CUX1: variants seen among roughly 807,000 people sequenced by gnomAD.
CUX1 encodes the protein cut like homeobox 1.
A neutral mutation model predicts 158.8 loss-of-function variants in CUX1; 31 were observed. The ratio of observed to expected loss-of-function variants is 0.20; its 90% CI spans 0.15 to 0.26. The LOEUF (loss-of-function observed/expected upper bound fraction) is 0.26. CUX1 is among the 10% of genes least tolerant of loss of function. CUX1 has a pLI of 1.00. For synonymous variants in CUX1, 879 were observed against 862.1 expected (o/e 1.02, Z -0.34); for missense variants, 1,589 against 2,014.6 (o/e 0.79, Z 4.04).
chr7:102,004,870 G>A (rs1054869108), intron 2 of CUX1, among the ~76,000 whole-genome samples: 25 of 152,220 alleles, frequency 1.6e-4, no homozygotes, highest in Non-Finnish European at 3.4e-4. Flanking sequence ...ACATATGTTA[G>A]TCTTGACGGA....
chr7:102,155,381 CAAAAA>C (rs562482446), intron 8 of CUX1, among the ~76,000 whole-genome samples: 1 of 110,144 alleles, frequency 9.1e-6, no homozygotes, highest in Non-Finnish European at 2.0e-5. Context: ...TTGTCTCTAC[CAAAAA>C]AAAAAAAAAA....
intron 20 of CUX1, among the ~76,000 whole-genome samples, chr7:102,216,799 CACACACCCCCACACACACTCTCCCACCA>C (rs782335032): frequency 0.046 from 2,339 of 50,532 alleles, 22 homozygotes; most frequent in South Asian, 0.16. Context: ...CACTCTCCCA[CACACACCCCCACACACACTCTCCCACCA>C]CACACACACA....
chr7:102,017,195 T>TCAGGAGATTGAGG (rs11268765), intron 2 of CUX1, among the ~76,000 whole-genome samples: 63,880 of 150,704 alleles, frequency 0.42, 14,137 homozygotes, highest in Non-Finnish European at 0.46. Flanking sequence ...TCCCAGCTAC[T>TCAGGAGATTGAGG]CAGGAGAATT....
chr7:101,901,142 C>T (rs1237289768), intron 1 of CUX1, among the ~76,000 whole-genome samples: 1 of 152,102 alleles, frequency 6.6e-6, no homozygotes, highest in African/African-American at 2.4e-5. Context: ...AGGATGGAAC[C>T]TGGTCTACCC....
At chr7:101,974,135 A>G (rs1310495498) in intron 2 of CUX1, among the ~76,000 whole-genome samples, 1 of 150,982 alleles carries the variant, frequency 6.6e-6, no homozygotes, top group Non-Finnish European at 1.5e-5. Flanking sequence ...CGGTGGCACA[A>G]TCTCACTGCA....
chr7:101,967,935 C>T (rs1811436650), intron 2 of CUX1, among the ~76,000 whole-genome samples: 1 of 151,984 alleles, frequency 6.6e-6, no homozygotes, highest in Admixed American at 6.6e-5. Context: ...ACAGGGTCTC[C>T]CTGTGTTGCC....
In CUX1 at chr7:102,250,620, T is replaced by C; in HGVS notation, c.*1578T>C. 1.0e-6 allele frequency: 1 copy of C among 985,470 alleles called. No individual in the cohort carries two copies. The highest frequency in any genetic ancestry group is 1.7e-5 in the African/African-American group (1 of 57,360). 61.0% of individuals were successfully genotyped at this position (985,470 alleles called of 1,614,324 possible). On this transcript the variant is annotated 3_prime_UTR_variant, in exon 24 of 24. Transcript: ENST00000292535. ...AACTCACACCAAAACGTGGATGCTC[T>C]TCAACTTCCAAACCTACCATTTGCC...
At chr7:102,273,053 G>A (rs1272908521) in intron 14 of CUX1, among the ~76,000 whole-genome samples, 4 of 152,232 alleles carry the variant, frequency 2.6e-5, no homozygotes, top group African/African-American at 4.8e-5. Flanking sequence ...CCAAACAGCC[G>A]TGGGCAGAGC....
chr7:101,910,328 G>C (rs1240159946), intron 1 of CUX1, among the ~76,000 whole-genome samples: 1 of 152,012 alleles, frequency 6.6e-6, no homozygotes, highest in Admixed American at 6.6e-5. Flanking sequence ...TGTATTTTTT[G>C]TAGAGATGGG....
At chr7:101,965,925 G>GGA (rs1278096089) in intron 2 of CUX1, among the ~76,000 whole-genome samples, 23 of 151,774 alleles carry the variant, frequency 1.5e-4, no homozygotes, top group African/African-American at 5.1e-4. Context: ...GGCAATGTGT[G>GGA]GACCTCATTT....
intron 8 of CUX1, among the ~76,000 whole-genome samples, chr7:102,145,430 G>A (rs76105280): frequency 0.069 from 10,271 of 149,416 alleles, 482 homozygotes; most frequent in African/African-American, 0.13. Context: ...ATGATCTCGC[G>A]ATGGTGTCAG....
intron 8 of CUX1, among the ~76,000 whole-genome samples, chr7:102,116,448 A>G (rs921707303): frequency 6.6e-6 from 1 of 152,000 alleles, no homozygotes; most frequent in African/African-American, 2.4e-5. Context: ...TACTTGCACT[A>G]AGTAGGTTGT....
chr7:101,839,241 C>T (rs999935279), intron 1 of CUX1, among the ~76,000 whole-genome samples: 1 of 152,162 alleles, frequency 6.6e-6, no homozygotes, highest in Admixed American at 6.5e-5. Flanking sequence ...TAGCAGCACC[C>T]TAGCTCACAC....
intron 1 of CUX1, among the ~76,000 whole-genome samples, chr7:101,862,154 A>C (rs781216753): frequency 6.6e-6 from 1 of 151,838 alleles, no homozygotes; most frequent in Non-Finnish European, 1.5e-5. Context: ...GTTTTGATTT[A>C]TTTCCTTTGA....
In CUX1 at chr7:102,178,451, C is replaced by G. The variant is rs1018984031; in HGVS notation, c.829-18C>G. On this transcript the variant is annotated intron_variant, in intron 10 of 23. Transcript: ENST00000292535. ...CTCAAGGCCAGCGCAGTTTTGTCAT[C>G]TCTTTTCTCCTCCCCAGGAGCAGGC... The G allele has an allele frequency of 2.3e-5, 36 of 1,575,810 alleles. No homozygotes were observed. Among genetic ancestry groups the G allele is most frequent in the Non-Finnish European group, 2.8e-5 (32 of 1,154,600 alleles).
At position 102,252,203 on chromosome 7, in the gene CUX1, A is replaced by C; in HGVS notation, c.*3161A>C. 1 of 985,434 alleles carries C rather than the reference A, an allele frequency of 1.0e-6. No individual in the cohort carries two copies. Among genetic ancestry groups the C allele is most frequent in the Non-Finnish European group, 1.2e-6 (1 of 829,930 alleles). The allele number at this position is 985,434 out of a possible 1,614,324, so 61.0% of individuals were successfully genotyped here. Reference sequence around the variant, plus strand: ...GTCTGTAATACTTCTAAGAGCTGCCACTAAAATAATACAGCAATCCGTGGC... The same window carrying C: ...GTCTGTAATACTTCTAAGAGCTGCCCCTAAAATAATACAGCAATCCGTGGC... On this transcript the variant is annotated 3_prime_UTR_variant, in exon 24 of 24. Coordinates refer to ENST00000292535, the MANE Select transcript of CUX1 (RefSeq NM_181552.4).
intron 1 of CUX1, among the ~76,000 whole-genome samples, chr7:101,891,073 A>G (rs753899672): frequency 2.6e-5 from 4 of 152,080 alleles, no homozygotes; most frequent in Non-Finnish European, 5.9e-5. Context: ...TAGAGTTATT[A>G]TGGACCCTGT....
intron 5 of CUX1, among the ~76,000 whole-genome samples, chr7:102,103,781 T>G (rs943095547): frequency 2.6e-5 from 4 of 151,724 alleles, no homozygotes; most frequent in Admixed American, 2.0e-4. Flanking sequence ...GTAATTTGTG[T>G]GGGTACATAG....
chr7:102,121,354 T>TC (rs1274374684), intron 8 of CUX1, among the ~76,000 whole-genome samples: 1 of 150,822 alleles, frequency 6.6e-6, no homozygotes, highest in African/African-American at 2.4e-5. Context: ...TTTGGTTTTT[T>TC]TTTTTTTTGG....
Sources: allele counts gnomAD v4.1 joint callset (sites outside exome capture counted in the v4.1 genomes callset), GRCh38; gene constraint gnomAD v4.1.1; transcripts MANE v1.5; gene names NCBI Gene and HGNC (gene_info 2026-07-23, HGNC 2026-07-21).